The following IL1RAPL2 variants were observed in gnomAD, a reference collection of about 807,000 sequenced individuals.
IL1RAPL2 encodes X-linked interleukin-1 receptor accessory protein-like 2.
A neutral mutation model predicts 44.1 loss-of-function variants in IL1RAPL2; 3 were observed. The observed-to-expected ratio is 0.07, with a 90% CI of 0.03 to 0.18. IL1RAPL2 has a LOEUF of 0.18. Among genes scored for constraint, IL1RAPL2 ranks in the 10% least tolerant of loss-of-function variants. The pLI is 1.00. For synonymous variants in IL1RAPL2, 181 were observed against 178.8 expected (o/e 1.01, Z -0.10); for missense variants, 391 against 496.4 (o/e 0.79, Z 2.02).
intron 1 of IL1RAPL2, among the ~76,000 whole-genome samples, chrX:104,636,223 C>T (rs887615588): frequency 2.3e-4 from 26 of 111,490 alleles, no homozygotes; most frequent in African/African-American, 7.2e-4. Context: ...CAGAGGAGTA[C>T]CCGGGCATGT....
At chrX:104,614,313 G>A (rs1197138685) in intron 1 of IL1RAPL2, among the ~76,000 whole-genome samples, 1 of 111,574 alleles carries the variant, frequency 9.0e-6, no homozygotes. Context: ...ACTTTTTGAG[G>A]TAGGTGTCTT....
chrX:105,031,005 A>G (rs1462493659), intron 2 of IL1RAPL2, among the ~76,000 whole-genome samples: 1 of 110,391 alleles, frequency 9.1e-6, no homozygotes, highest in Non-Finnish European at 1.9e-5. Context: ...CTTTGAAGCA[A>G]TTGTGAAAGG....
At chrX:104,978,190 T>C (rs2147724883) in intron 2 of IL1RAPL2, among the ~76,000 whole-genome samples, 1 of 112,245 alleles carries the variant, frequency 8.9e-6, no homozygotes, top group South Asian at 3.7e-4. Flanking sequence ...TATAAATTGA[T>C]GATACTTCTA....
At chrX:104,934,015 TG>T (rs1374597547) in intron 2 of IL1RAPL2, among the ~76,000 whole-genome samples, 1 of 111,948 alleles carries the variant, frequency 8.9e-6, no homozygotes, top group Non-Finnish European at 1.9e-5. Flanking sequence ...TTTATAAAAA[TG>T]GGTTTTTAAA....
At chrX:105,219,500 C>A (rs1382674416) in intron 3 of IL1RAPL2, 9 of 1,207,136 alleles carry the variant, frequency 7.5e-6, no homozygotes, top group Non-Finnish European at 1.0e-5. Flanking sequence ...ATGGAGGCAG[C>A]CCTGGCCTCC....
At chrX:104,882,577 CACCAATCAGCACTCTGTAAAATGG>C (rs1923100284) in intron 2 of IL1RAPL2, among the ~76,000 whole-genome samples, 1 of 111,289 alleles carries the variant, frequency 9.0e-6, no homozygotes, top group Non-Finnish European at 1.9e-5. Flanking sequence ...TTTGTAAATG[CACCAATCAGCACTCTGTAAAATGG>C]ACCAATCAGC....
At chrX:105,651,779 T>C (rs2037643701) in intron 6 of IL1RAPL2, among the ~76,000 whole-genome samples, 1 of 111,967 alleles carries the variant, frequency 8.9e-6, no homozygotes, top group African/African-American at 3.2e-5. Context: ...TCTCTCACTT[T>C]TCAGTCATGT....
intron 1 of IL1RAPL2, among the ~76,000 whole-genome samples, chrX:104,569,802 A>T (rs1244024531): frequency 8.9e-6 from 1 of 112,557 alleles, no homozygotes; most frequent in East Asian, 2.8e-4. Flanking sequence ...ATGATCGTAT[A>T]CTTTGGTAAA....
intron 5 of IL1RAPL2, among the ~76,000 whole-genome samples, chrX:105,318,864 G>T (rs2034874446): frequency 8.9e-6 from 1 of 112,366 alleles, no homozygotes; most frequent in Admixed American, 9.4e-5. Context: ...GGAGAAATGT[G>T]ACAATACAGG....
rs183898173 is a variant in IL1RAPL2 at position 104,837,544 on chromosome X, C to A, written c.82+178549C>A. The stretch of plus-strand genomic sequence containing the variant: ...TGTCTTCTTTTGAGAAGTGTCTGTT[C>A]ATATCCTTTGCCCACTTTTTGATGG... On this transcript the variant is annotated intron_variant, in intron 2 of 10. Transcript: ENST00000372582. Among the ~76,000 whole-genome samples the A allele has an allele frequency of 5.5e-4, 62 of 112,061 alleles. 2 individuals carry two copies. Among genetic ancestry groups the A allele is most frequent in the Admixed American group, 4.5e-3 (48 of 10,554 alleles).
chrX:105,222,766 G>A (rs1556183913), intron 3 of IL1RAPL2, among the ~76,000 whole-genome samples: 4 of 111,858 alleles, frequency 3.6e-5, no homozygotes. Context: ...TCTGGTATAG[G>A]GGACTAAGTA....
intron 1 of IL1RAPL2, among the ~76,000 whole-genome samples, chrX:104,585,186 C>T (rs190103257): frequency 4.6e-4 from 28 of 60,445 alleles, no homozygotes; most frequent in Non-Finnish European, 6.6e-4. Context: ...TACACACATA[C>T]ACACATGTAT....
At chrX:105,598,858 C>T (rs1345948347) in intron 6 of IL1RAPL2, among the ~76,000 whole-genome samples, 1 of 112,262 alleles carries the variant, frequency 8.9e-6, no homozygotes, top group Non-Finnish European at 1.9e-5. Context: ...TTATGGACAA[C>T]CAAAGCATCC....
chrX:104,940,859 T>C (rs1286542250), intron 2 of IL1RAPL2, among the ~76,000 whole-genome samples: 5 of 103,131 alleles, frequency 4.8e-5, no homozygotes, highest in Non-Finnish European at 9.9e-5. Flanking sequence ...GTATATCTCC[T>C]AATGCTATCC....
intron 1 of IL1RAPL2, among the ~76,000 whole-genome samples, chrX:104,609,386 T>A (rs1469841537): frequency 1.8e-5 from 2 of 112,001 alleles, no homozygotes; most frequent in Non-Finnish European, 3.8e-5. Context: ...TATCCTGAAT[T>A]TGAATGTTGG....
At chrX:104,684,950 A>G (rs1481424359) in intron 2 of IL1RAPL2, among the ~76,000 whole-genome samples, 1 of 112,016 alleles carries the variant, frequency 8.9e-6, no homozygotes, top group African/African-American at 3.2e-5. Flanking sequence ...CTTCAACTCA[A>G]GGGTCAGCAT....
chrX:104,978,116 G>A (rs985773678), intron 2 of IL1RAPL2, among the ~76,000 whole-genome samples: 1 of 111,897 alleles, frequency 8.9e-6, no homozygotes, highest in Non-Finnish European at 1.9e-5. Flanking sequence ...GAAAAGCAAG[G>A]TACCAATTGA....
intron 7 of IL1RAPL2, among the ~76,000 whole-genome samples, chrX:105,736,175 G>A (rs1237751592): frequency 9.0e-6 from 1 of 110,928 alleles, no homozygotes; most frequent in African/African-American, 3.3e-5. Context: ...AGCCATACAC[G>A]GAAGATTGAA....
intron 6 of IL1RAPL2, among the ~76,000 whole-genome samples, chrX:105,521,440 T>A (rs974446214): frequency 3.6e-5 from 4 of 111,762 alleles, no homozygotes; most frequent in Non-Finnish European, 7.5e-5. Flanking sequence ...TAAGTAAAAT[T>A]ATATGACACC....
Sources: gnomAD v4.1 joint callset for allele counts (sites outside exome capture counted in the v4.1 genomes callset) on GRCh38, gnomAD v4.1.1 for gene constraint, MANE v1.5 for transcripts, NCBI Gene and HGNC (gene_info 2026-07-23, HGNC 2026-07-21) for gene names.